Variants in ZBTB7C observed in about 807,000 individuals in gnomAD.
ZBTB7C encodes zinc finger and BTB domain-containing protein 7C.
In ZBTB7C, 8 loss-of-function variants were observed where a neutral mutation model predicts 25.7. The observed-to-expected ratio is 0.31, with a 90% confidence interval of 0.18 to 0.56. The LOEUF (loss-of-function observed/expected upper bound fraction) is 0.56, where lower values mean the gene tolerates loss of function less well. Among genes scored for constraint, ZBTB7C ranks in the 20% least tolerant of loss-of-function variants. The probability of loss-of-function intolerance (pLI) is 0.91; values close to 1 mark genes in which losing one functional copy is unlikely to be tolerated. For missense variants in ZBTB7C, 824 were observed against 855.2 expected (o/e 0.96, Z 0.46); for synonymous variants, 394 against 369.0 (o/e 1.07, Z -0.78).
At chr18:48,382,978 C>T (rs1364490351) in intron 1 of ZBTB7C, among the ~76,000 whole-genome samples, 1 of 152,186 alleles carries the variant, frequency 6.6e-6, no homozygotes, top group Non-Finnish European at 1.5e-5. Flanking sequence ...GTAACAGGAA[C>T]TCAAATTTGG....
intron 1 of ZBTB7C, among the ~76,000 whole-genome samples, chr18:48,404,004 C>G (rs28455918): frequency 0.11 from 16,472 of 152,152 alleles, 1,006 homozygotes; most frequent in African/African-American, 0.15. Context: ...TATAATCCCA[C>G]CATTTTGGGA....
chr18:48,249,824 C>A (rs1247152908), intron 2 of ZBTB7C, among the ~76,000 whole-genome samples: 2 of 152,100 alleles, frequency 1.3e-5, no homozygotes, highest in Non-Finnish European at 1.5e-5. Flanking sequence ...TTTTAACACT[C>A]CCTCTGCTGT....
At chr18:48,079,237 G>A (rs1293243367) in intron 3 of ZBTB7C, among the ~76,000 whole-genome samples, 2 of 152,226 alleles carry the variant, frequency 1.3e-5, no homozygotes, top group African/African-American at 2.4e-5. Context: ...CAAGGGGCCA[G>A]TGGCATTTTT....
intron 3 of ZBTB7C, among the ~76,000 whole-genome samples, chr18:48,051,015 G>C (rs2036663971): frequency 1.7e-5 from 2 of 120,182 alleles, no homozygotes. Flanking sequence ...CTGTGTAAGT[G>C]ACAGAGGTCC....
intron 2 of ZBTB7C, among the ~76,000 whole-genome samples, chr18:48,269,958 G>C (rs554250782): frequency 7.9e-5 from 12 of 152,214 alleles, no homozygotes; most frequent in African/African-American, 2.9e-4. Flanking sequence ...AGCTAATGTT[G>C]TTACAACGAC....
chr18:48,184,802 C>A (rs186021466), intron 3 of ZBTB7C, among the ~76,000 whole-genome samples: 2 of 132,888 alleles, frequency 1.5e-5, no homozygotes, highest in East Asian at 4.9e-4. Context: ...CCCTTGGCTG[C>A]AGCTGTGTGG....
intron 3 of ZBTB7C, among the ~76,000 whole-genome samples, chr18:48,051,058 C>A (rs531808985): frequency 1.3e-5 from 2 of 152,320 alleles, no homozygotes; most frequent in South Asian, 4.1e-4. Context: ...GGCTCTGCCC[C>A]CTGTATGAGG....
chr18:48,199,808 G>A (rs2042395392), intron 2 of ZBTB7C, among the ~76,000 whole-genome samples: 1 of 152,158 alleles, frequency 6.6e-6, no homozygotes, highest in Non-Finnish European at 1.5e-5. Context: ...TGGAGGATTA[G>A]GGAGGGATCT....
chr18:48,102,591 C>G (rs1010243963), intron 3 of ZBTB7C, among the ~76,000 whole-genome samples: 6 of 140,174 alleles, frequency 4.3e-5, no homozygotes, highest in African/African-American at 1.6e-4. Flanking sequence ...AAAAAAGTAA[C>G]TAACCTAGTC....
At chr18:48,378,922 A>G (rs1316209773) in intron 1 of ZBTB7C, among the ~76,000 whole-genome samples, 1 of 152,222 alleles carries the variant, frequency 6.6e-6, no homozygotes, top group Non-Finnish European at 1.5e-5. Flanking sequence ...CAATAAAACT[A>G]GAGGCTAATA....
At chr18:48,356,537 C>A (rs1446421897) in intron 1 of ZBTB7C, among the ~76,000 whole-genome samples, 3 of 152,190 alleles carry the variant, frequency 2.0e-5, no homozygotes, top group Non-Finnish European at 4.4e-5. Context: ...GAAGGCCCTC[C>A]TCCAGGTCCC....
intron 2 of ZBTB7C, among the ~76,000 whole-genome samples, chr18:48,201,313 C>T (rs1027401579): frequency 7.9e-5 from 12 of 152,324 alleles, no homozygotes; most frequent in African/African-American, 2.6e-4. Flanking sequence ...GACAGACATG[C>T]ATGAATGCTG....
intron 3 of ZBTB7C, among the ~76,000 whole-genome samples, chr18:48,096,311 C>G (rs1209235278): frequency 6.6e-6 from 1 of 152,152 alleles, no homozygotes; most frequent in Non-Finnish European, 1.5e-5. Flanking sequence ...CGGTCACAAG[C>G]TGAGCTGTGA....
intron 3 of ZBTB7C, among the ~76,000 whole-genome samples, chr18:48,157,262 T>C (rs1008405492): frequency 2.0e-5 from 3 of 152,116 alleles, no homozygotes; most frequent in East Asian, 1.9e-4. Flanking sequence ...AGAAATAACA[T>C]AGAATAATAT....
intron 1 of ZBTB7C, among the ~76,000 whole-genome samples, chr18:48,407,017 T>A (rs1599061356): frequency 6.6e-6 from 1 of 152,212 alleles, no homozygotes; most frequent in South Asian, 2.1e-4. Flanking sequence ...CTTTGTTTGC[T>A]CAATAAAATA....
At chr18:48,354,124 T>C (rs4939773) in intron 1 of ZBTB7C, among the ~76,000 whole-genome samples, 54,501 of 152,018 alleles carry the variant, frequency 0.36, 10,928 homozygotes, top group East Asian at 0.7. Context: ...GTAATTCACA[T>C]CTGCACACAA....
At chr18:48,299,344 C>G (rs2045483590) in intron 2 of ZBTB7C, among the ~76,000 whole-genome samples, 1 of 152,236 alleles carries the variant, frequency 6.6e-6, no homozygotes, top group Non-Finnish European at 1.5e-5. Context: ...CCAGAACCAT[C>G]ATGACATTCT....
At position 48,257,313 on chromosome 18, in the gene ZBTB7C, T is replaced by G. The variant is rs186271033; in HGVS notation, c.-78-71318A>C. 1.7e-4 allele frequency among the ~76,000 whole-genome samples: 26 copies of G among 152,198 alleles called. 1 individual carries two copies. Among genetic ancestry groups the G allele is most frequent in the Admixed American group, 1.2e-3 (19 of 15,292 alleles). On this transcript the variant is annotated intron_variant, in intron 2 of 4. Coordinates refer to ENST00000590800, the MANE Select transcript of ZBTB7C (RefSeq NM_001318841.2). ...GGAGGACATAACAATTGGAAACTACTATATACCCAATAACAGAGCTTTGAA... is the reference window on the plus strand; with the variant it reads ...GGAGGACATAACAATTGGAAACTACGATATACCCAATAACAGAGCTTTGAA...
rs746371425 is a variant in ZBTB7C at position 48,040,847 on chromosome 18, A to G, written c.261T>C (p.Ala87=). Residue 87 remains alanine (A), a synonymous_variant, in exon 4 of 5, where the codon GCT becomes GCC. Coordinates refer to ENST00000590800, the MANE Select transcript of ZBTB7C (RefSeq NM_001318841.2). ...IDFVQPEALA[A]ILEFAYTSTL... is the part of the protein sequence containing the mutation. ...TGGAGGTGTAGGCGAACTCCAGGAT[A>G]GCAGCCAGAGCCTCAGGCTGGACAA... The G allele has an allele frequency of 1.2e-6, 2 of 1,614,162 alleles. No homozygotes were observed. The highest frequency in any genetic ancestry group is 4.5e-5 in the East Asian group (2 of 44,852).
Sources: gnomAD v4.1 joint callset for allele counts (sites outside exome capture counted in the v4.1 genomes callset) on GRCh38, gnomAD v4.1.1 for gene constraint, MANE v1.5 for transcripts, NCBI Gene and HGNC (gene_info 2026-07-23, HGNC 2026-07-21) for gene names.